ATRNL1: variants seen among roughly 807,000 people sequenced by gnomAD.
ATRNL1 encodes attractin like 1.
ATRNL1 carries 95 observed loss-of-function variants against 182.7 expected under a neutral mutation model. That is an observed-to-expected ratio of 0.52 (90% CI 0.44 to 0.62). The LOEUF is 0.62. Ranked by LOEUF, ATRNL1 falls within the 20% of genes least tolerant of loss-of-function variation. The pLI is 0.00. For missense variants in ATRNL1, 1,471 were observed against 1,679.5 expected (o/e 0.88, Z 2.17); for synonymous variants, 576 against 568.3 (o/e 1.01, Z -0.19).
chr10:115,565,749 G>A (rs1571315), intron 26 of ATRNL1, among the ~76,000 whole-genome samples: 45,077 of 151,768 alleles, frequency 0.3, 7,828 homozygotes, highest in East Asian at 0.68. Context: ...TTTAAAAGTC[G>A]TTATATATTT....
At chr10:115,725,684 G>T (rs1430951162) in intron 26 of ATRNL1, among the ~76,000 whole-genome samples, 3 of 152,128 alleles carry the variant, frequency 2.0e-5, no homozygotes, top group South Asian at 2.1e-4. Flanking sequence ...TGGGCATGTT[G>T]GTGTGTGTGT....
At chr10:115,389,470 G>A (rs375660023) in intron 19 of ATRNL1, among the ~76,000 whole-genome samples, 62 of 136,934 alleles carry the variant, frequency 4.5e-4, no homozygotes, top group African/African-American at 1.2e-3. Context: ...CCAAGATTGC[G>A]CCATTGCACT....
At chr10:115,675,908 G>A (rs1312019403) in intron 26 of ATRNL1, among the ~76,000 whole-genome samples, 4 of 152,036 alleles carry the variant, frequency 2.6e-5, no homozygotes, top group African/African-American at 7.2e-5. Context: ...ACAGTAAGTC[G>A]AGATCGCAGG....
intron 27 of ATRNL1, among the ~76,000 whole-genome samples, chr10:115,771,420 C>T (rs1466826289): frequency 1.3e-5 from 2 of 151,930 alleles, no homozygotes; most frequent in Non-Finnish European, 2.9e-5. Context: ...TTAGTAGAAA[C>T]GGGGTTTCAC....
chr10:115,275,373 T>C (rs1172235829), intron 13 of ATRNL1, among the ~76,000 whole-genome samples: 1 of 152,192 alleles, frequency 6.6e-6, no homozygotes, highest in Admixed American at 6.5e-5. Flanking sequence ...AACCAGCATC[T>C]GGTACTGATA....
At chr10:115,461,044 A>G (rs1350538467) in intron 21 of ATRNL1, among the ~76,000 whole-genome samples, 1 of 152,132 alleles carries the variant, frequency 6.6e-6, no homozygotes, top group Admixed American at 6.6e-5. Context: ...AAAGTATACA[A>G]GTAAGCATAC....
chr10:115,377,054 TTTG>T (rs1857714377), intron 19 of ATRNL1, among the ~76,000 whole-genome samples: 1 of 152,184 alleles, frequency 6.6e-6, no homozygotes, highest in African/African-American at 2.4e-5. Flanking sequence ...GGATTTCTAT[TTTG>T]TTCTTTTTAT....
At chr10:115,232,815 TC>T (rs1449519978) in intron 9 of ATRNL1, among the ~76,000 whole-genome samples, 1 of 152,142 alleles carries the variant, frequency 6.6e-6, no homozygotes, top group Non-Finnish European at 1.5e-5. Flanking sequence ...TAGAATTACT[TC>T]CAGGTGATTG....
chr10:115,550,643 A>G (rs1852925400), intron 26 of ATRNL1, among the ~76,000 whole-genome samples: 1 of 151,898 alleles, frequency 6.6e-6, no homozygotes. Flanking sequence ...ACTGTATGTT[A>G]AAAAGTAATC....
chr10:115,743,147 A>G (rs1166369496), intron 27 of ATRNL1, among the ~76,000 whole-genome samples: 1 of 151,128 alleles, frequency 6.6e-6, no homozygotes, highest in Non-Finnish European at 1.5e-5. Context: ...GCTTCCCAGG[A>G]CACCACACAT....
intron 28 of ATRNL1, among the ~76,000 whole-genome samples, chr10:115,874,733 C>A (rs560563473): frequency 6.6e-6 from 1 of 152,246 alleles, no homozygotes; most frequent in African/African-American, 2.4e-5. Context: ...GGTGGAGAAG[C>A]ACAGTCTAAG....
intron 27 of ATRNL1, among the ~76,000 whole-genome samples, chr10:115,805,472 C>T (rs190698737): frequency 9.2e-5 from 14 of 152,086 alleles, no homozygotes; most frequent in African/African-American, 2.7e-4. Flanking sequence ...AACTTCCTAC[C>T]ACTCATATCT....
At chr10:115,373,709 ACTTGAT>A (rs1857512604) in intron 19 of ATRNL1, among the ~76,000 whole-genome samples, 1 of 151,948 alleles carries the variant, frequency 6.6e-6, no homozygotes, top group South Asian at 2.1e-4. Context: ...GATAAATCTT[ACTTGAT>A]CTTGATGAAT....
chr10:115,707,193 G>T (rs1402089874), intron 26 of ATRNL1, among the ~76,000 whole-genome samples: 6 of 151,722 alleles, frequency 4.0e-5, no homozygotes, highest in Admixed American at 4.0e-4. Context: ...TTGTTCTACT[G>T]TTTTCCAAAA....
chr10:115,682,899 A>G (rs1292274197), intron 26 of ATRNL1, among the ~76,000 whole-genome samples: 1 of 152,164 alleles, frequency 6.6e-6, no homozygotes, highest in Non-Finnish European at 1.5e-5. Context: ...CACAGAATCT[A>G]GACTGAGATT....
At chr10:115,608,528 A>G (rs1024534268) in intron 26 of ATRNL1, among the ~76,000 whole-genome samples, 4 of 152,132 alleles carry the variant, frequency 2.6e-5, no homozygotes, top group Admixed American at 6.5e-5. Flanking sequence ...GGCCAAGTAT[A>G]TCACAGTGGA....
intron 28 of ATRNL1, among the ~76,000 whole-genome samples, chr10:115,921,540 C>G (rs1301219019): frequency 6.6e-6 from 1 of 152,094 alleles, no homozygotes; most frequent in Non-Finnish European, 1.5e-5. Context: ...TCTTTTACAC[C>G]TCTTACCCCC....
chr10:115,767,446 G>A (rs1054243681), intron 27 of ATRNL1, among the ~76,000 whole-genome samples: 2 of 152,052 alleles, frequency 1.3e-5, no homozygotes, highest in African/African-American at 2.4e-5. Context: ...ACCACAACCA[G>A]ATTAAAGTAG....
intron 27 of ATRNL1, among the ~76,000 whole-genome samples, chr10:115,747,601 G>T (rs554506143): frequency 6.6e-6 from 1 of 152,138 alleles, no homozygotes; most frequent in East Asian, 1.9e-4. Flanking sequence ...GTGGTAGAGA[G>T]AGACATGATC....
Sources: gnomAD v4.1 joint callset for allele counts (sites outside exome capture counted in the v4.1 genomes callset) on GRCh38, gnomAD v4.1.1 for gene constraint, MANE v1.5 for transcripts, NCBI Gene and HGNC (gene_info 2026-07-23, HGNC 2026-07-21) for gene names.